The following TENM4 variants were observed in gnomAD, a reference collection of about 807,000 sequenced individuals.
TENM4 encodes teneurin transmembrane protein 4, also known as teneurin-4.
A neutral mutation model predicts 243.3 loss-of-function variants in TENM4; 82 were observed. The observed-to-expected ratio is 0.34, with a 90% CI of 0.28 to 0.40. The LOEUF is 0.40. TENM4 is among the 10% of genes least tolerant of loss of function. The pLI, the probability that TENM4 is intolerant of heterozygous loss-of-function variation, is 1.00. For missense variants in TENM4, 3,138 were observed against 3,673.3 expected, an observed-to-expected ratio of 0.85 and a Z score of 3.77; for synonymous variants, 1,412 against 1,456.3, an observed-to-expected ratio of 0.97 and a Z score of 0.69.
intron 1 of TENM4, among the ~76,000 whole-genome samples, chr11:79,407,443 G>C (rs1400500116): frequency 6.6e-6 from 1 of 152,180 alleles, no homozygotes; most frequent in Admixed American, 6.5e-5. Flanking sequence ...ATCGTGCTAA[G>C]CACTTTCGCA....
chr11:78,867,189 A>G (rs757911596), intron 9 of TENM4, among the ~76,000 whole-genome samples: 1 of 151,980 alleles, frequency 6.6e-6, no homozygotes, highest in Non-Finnish European at 1.5e-5. Context: ...ATCAAATAGC[A>G]CAGTTCTTTA....
intron 4 of TENM4, among the ~76,000 whole-genome samples, chr11:79,081,701 A>G (rs117841051): frequency 0.02 from 3,038 of 152,262 alleles, 45 homozygotes; most frequent in Middle Eastern, 0.034. Flanking sequence ...CTGCTGCCCA[A>G]TGGATGTGGG....
intron 3 of TENM4, among the ~76,000 whole-genome samples, chr11:79,177,134 C>A (rs926772247): frequency 7.0e-6 from 1 of 142,836 alleles, no homozygotes; most frequent in Non-Finnish European, 1.5e-5. Flanking sequence ...ATTGTTTAAA[C>A]CTTTTTTTTT....
chr11:79,232,545 C>T (rs1864392096), intron 2 of TENM4, among the ~76,000 whole-genome samples: 2 of 152,220 alleles, frequency 1.3e-5, no homozygotes, highest in Non-Finnish European at 2.9e-5. Flanking sequence ...CTACCAGGCA[C>T]TCCAGGATGA....
At chr11:79,310,893 A>G (rs1856708422) in intron 1 of TENM4, among the ~76,000 whole-genome samples, 1 of 152,342 alleles carries the variant, frequency 6.6e-6, no homozygotes, top group African/African-American at 2.4e-5. Flanking sequence ...TACAGCAACT[A>G]AGTGGGTAGG....
At chr11:79,089,757 G>A (rs17137683) in intron 4 of TENM4, among the ~76,000 whole-genome samples, 1,888 of 152,260 alleles carry the variant, frequency 0.012, 33 homozygotes, top group African/African-American at 0.028. Context: ...GATGCTAGAC[G>A]AATGACACTA....
rs537367119 is a variant in TENM4, at chr11:79,156,424, G to A, written c.-162-7618C>T. The stretch of plus-strand genomic sequence containing the variant: ...GTCTTGGAGGGAAGAGGTGAAGGGC[G>A]AGATTCTGGCATCACCAGAAATTAC... On this transcript the variant is annotated intron_variant, in intron 3 of 33. Transcript: ENST00000278550. Among the ~76,000 whole-genome samples the A allele has an allele frequency of 7.9e-5, 12 of 152,342 alleles. 3 individuals carry two copies. The highest frequency in any genetic ancestry group is 5.9e-4 in the Admixed American group (9 of 15,308).
At chr11:79,206,239 GA>G (rs1458697837) in intron 3 of TENM4, among the ~76,000 whole-genome samples, 1 of 152,166 alleles carries the variant, frequency 6.6e-6, no homozygotes, top group East Asian at 1.9e-4. Flanking sequence ...GAAGGCAGAA[GA>G]AAAAGCCAAG....
intron 1 of TENM4, among the ~76,000 whole-genome samples, chr11:79,409,060 T>TTGTGTGTGTGTG (rs559211499): frequency 2.1e-5 from 3 of 141,982 alleles, no homozygotes; most frequent in South Asian, 2.4e-4. Context: ...GAGGGATATT[T>TTGTGTGTGTGTG]TGTGTGTGTG....
chr11:79,323,386 C>T (rs567595082), intron 1 of TENM4, among the ~76,000 whole-genome samples: 10 of 152,314 alleles, frequency 6.6e-5, no homozygotes, highest in African/African-American at 2.2e-4. Context: ...AACACTTGCT[C>T]AGAAACGTTG....
intron 9 of TENM4, among the ~76,000 whole-genome samples, chr11:78,876,566 C>A (rs1859273044): frequency 6.6e-6 from 1 of 152,196 alleles, no homozygotes; most frequent in African/African-American, 2.4e-5. Flanking sequence ...TTTTCCTGAT[C>A]CTCCCAGTTA....
intron 3 of TENM4, among the ~76,000 whole-genome samples, chr11:79,193,665 G>C (rs116382937): frequency 0.015 from 2,316 of 152,256 alleles, 64 homozygotes; most frequent in African/African-American, 0.05. Context: ...ACTTACCAAA[G>C]AGTGAAGCAC....
At chr11:78,746,917 G>T (rs1856063952) in intron 19 of TENM4, among the ~76,000 whole-genome samples, 1 of 152,222 alleles carries the variant, frequency 6.6e-6, no homozygotes, top group Non-Finnish European at 1.5e-5. Flanking sequence ...TTCATTTCAT[G>T]ACCATGTGTC....
chr11:79,351,506 G>A (rs1451447829), intron 1 of TENM4, among the ~76,000 whole-genome samples: 1 of 152,122 alleles, frequency 6.6e-6, no homozygotes, highest in Admixed American at 6.5e-5. Context: ...AGGAGTTTGA[G>A]ACCAGCCTGG....
At chr11:78,942,108 TAAAA>T (rs34713120) in intron 6 of TENM4, among the ~76,000 whole-genome samples, 3 of 119,038 alleles carry the variant, frequency 2.5e-5, no homozygotes, top group Non-Finnish European at 1.8e-5. Flanking sequence ...GCTGATGAGC[TAAAA>T]AAAAAAAAAA....
chr11:79,315,858 T>G (rs1390574902), intron 1 of TENM4, among the ~76,000 whole-genome samples: 1 of 152,234 alleles, frequency 6.6e-6, no homozygotes, highest in South Asian at 2.1e-4. Flanking sequence ...TAACAAATGT[T>G]AGAGTTCATC....
chr11:78,852,209 T>G (rs1398406730), intron 12 of TENM4, among the ~76,000 whole-genome samples: 1 of 152,204 alleles, frequency 6.6e-6, no homozygotes, highest in Non-Finnish European at 1.5e-5. Context: ...ACATCAGAGC[T>G]AGTTGCCTGA....
At chr11:79,305,454 T>C (rs1454142149) in intron 1 of TENM4, among the ~76,000 whole-genome samples, 2 of 152,136 alleles carry the variant, frequency 1.3e-5, no homozygotes, top group Non-Finnish European at 2.9e-5. Context: ...CTGTTATCTA[T>C]AGTGGGATCC....
rs76004626 is a variant in TENM4, at chr11:78,781,432, A to G, written c.2366-2804T>C. 2.5e-3 allele frequency among the ~76,000 whole-genome samples: 384 copies of G among 152,280 alleles called. 5 individuals carry two copies. Among genetic ancestry groups the G allele is most frequent in the African/African-American group, 8.7e-3 (363 of 41,550 alleles). On this transcript the variant is annotated intron_variant, in intron 16 of 33. Transcript: ENST00000278550. ...TCTGTGTGAAAAGCCGGAGATAATA[A>G]AGGTACTATAGCTATTTATGCTACA...
Sources: gnomAD v4.1 joint callset for allele counts (sites outside exome capture counted in the v4.1 genomes callset) on GRCh38, gnomAD v4.1.1 for gene constraint, MANE v1.5 for transcripts, NCBI Gene and HGNC (gene_info 2026-07-23, HGNC 2026-07-21) for gene names.